The following TMEFF1 variants were observed in gnomAD, a reference collection of about 807,000 sequenced individuals.
TMEFF1 encodes tomoregulin-1.
Under a neutral mutation model 47.5 loss-of-function variants are expected in TMEFF1, and 20 were observed. The observed-to-expected ratio is 0.42, with a 90% CI of 0.30 to 0.61. TMEFF1 has a LOEUF of 0.61. Among genes scored for constraint, TMEFF1 ranks in the 20% least tolerant of loss-of-function variants. TMEFF1 has a pLI of 0.19. For synonymous variants in TMEFF1, 162 were observed against 166.3 expected (o/e 0.97, Z 0.20); for missense variants, 411 against 471.1 (o/e 0.87, Z 1.18).
At chr9:100,522,901 A>G (rs1293349793) in intron 5 of TMEFF1, among the ~76,000 whole-genome samples, 1 of 151,690 alleles carries the variant, frequency 6.6e-6, no homozygotes, top group African/African-American at 2.4e-5. Flanking sequence ...CACCCAGCTA[A>G]TTTTTTGTAT....
At chr9:100,563,543 C>T (rs776201007) in intron 8 of TMEFF1, among the ~76,000 whole-genome samples, 14 of 152,104 alleles carry the variant, frequency 9.2e-5, no homozygotes, top group African/African-American at 2.2e-4. Flanking sequence ...TTGGAAGTTA[C>T]GTAAAATATC....
intron 7 of TMEFF1, among the ~76,000 whole-genome samples, chr9:100,558,325 A>G (rs569361486): frequency 3.3e-5 from 5 of 152,152 alleles, no homozygotes; most frequent in African/African-American, 7.2e-5. Context: ...GTTATTCTCT[A>G]TAGTCCCATT....
chr9:100,500,069 T>C (rs1222464806), intron 2 of TMEFF1, among the ~76,000 whole-genome samples: 1 of 152,212 alleles, frequency 6.6e-6, no homozygotes, highest in African/African-American at 2.4e-5. Flanking sequence ...ATCATTTCTT[T>C]GCCAAGAGCA....
chr9:100,575,369 C>T (rs74787119), intron 9 of TMEFF1, among the ~76,000 whole-genome samples: 8,939 of 152,146 alleles, frequency 0.059, 385 homozygotes, highest in South Asian at 0.14. Flanking sequence ...CTTAACTAAA[C>T]GCCCTGATTT....
At chr9:100,497,753 A>G (rs1162032064) in intron 1 of TMEFF1, among the ~76,000 whole-genome samples, 1 of 152,140 alleles carries the variant, frequency 6.6e-6, no homozygotes, top group African/African-American at 2.4e-5. Context: ...AACTGGAGAA[A>G]TGCTCCCTTA....
chr9:100,513,302 C>T lies in TMEFF1; in HGVS notation c.437-5C>T, dbSNP rs761220084. The T allele has an allele frequency of 4.4e-6, 7 of 1,594,078 alleles. No homozygotes were observed. Among genetic ancestry groups the T allele is most frequent in the African/African-American group, 1.4e-5 (1 of 73,804 alleles). On this transcript the variant is annotated splice_region_variant and splice_polypyrimidine_tract_variant and intron_variant, in intron 3 of 9. Transcript: ENST00000374879. ...TTCATATTCATTCTTTGTTTTTCTT[C>T]TCAGATAATGGATCTGGATCTGGAG...
At chr9:100,482,071 A>T (rs909924881) in intron 1 of TMEFF1, among the ~76,000 whole-genome samples, 3 of 150,158 alleles carry the variant, frequency 2.0e-5, no homozygotes, top group African/African-American at 7.4e-5. Context: ...CACTGCGCCC[A>T]GCCTAGCCTG....
At chr9:100,547,094 C>T (rs12003523) in intron 5 of TMEFF1, among the ~76,000 whole-genome samples, 21,443 of 152,158 alleles carry the variant, frequency 0.14, 1,664 homozygotes, top group Middle Eastern at 0.2. Context: ...TGGCTCACTG[C>T]GGCCTCAACC....
At chr9:100,483,730 T>C (rs180712515) in intron 1 of TMEFF1, among the ~76,000 whole-genome samples, 53 of 152,296 alleles carry the variant, frequency 3.5e-4, no homozygotes, top group South Asian at 6.2e-4. Context: ...TTTTACCACA[T>C]TTGCTTTAAG....
At chr9:100,538,104 G>A (rs1175926010) in intron 5 of TMEFF1, among the ~76,000 whole-genome samples, 5 of 152,066 alleles carry the variant, frequency 3.3e-5, no homozygotes, top group Admixed American at 1.3e-4. Context: ...CCAGGCTAGA[G>A]TGCATTGGCG....
intron 7 of TMEFF1, among the ~76,000 whole-genome samples, chr9:100,551,844 A>G (rs1838832154): frequency 6.6e-6 from 1 of 152,242 alleles, no homozygotes; most frequent in African/African-American, 2.4e-5. Context: ...CTATAAGTGT[A>G]TACAGTTTAA....
intron 1 of TMEFF1, among the ~76,000 whole-genome samples, chr9:100,480,146 G>A (rs1300365626): frequency 6.6e-6 from 1 of 151,832 alleles, no homozygotes; most frequent in Non-Finnish European, 1.5e-5. Context: ...TTTAATGAAT[G>A]TATTGGCTAT....
intron 8 of TMEFF1, among the ~76,000 whole-genome samples, chr9:100,564,654 T>A (rs928626756): frequency 1.3e-5 from 2 of 152,132 alleles, no homozygotes; most frequent in African/African-American, 4.8e-5. Context: ...ACAGGAACAT[T>A]TGGGCCATCC....
rs984296404 is a variant in TMEFF1, at chr9:100,542,840, A to ATT, written c.561-4901_561-4900dup. ...AGTTTGAAGAGAAGTTGCTGAGAATATTTTCCTGCCTCATTTTCTTAACTC... is the reference window on the plus strand; with the variant it reads ...AGTTTGAAGAGAAGTTGCTGAGAATATTTTTTCCTGCCTCATTTTCTTAACTC... On this transcript the variant is annotated intron_variant, in intron 5 of 9. Transcript: ENST00000374879. Among the ~76,000 whole-genome samples, 26 of 146,470 alleles carry ATT rather than the reference A, an allele frequency of 1.8e-4. 1 individual carries two copies. Among genetic ancestry groups the ATT allele is most frequent in the South Asian group, 2.1e-4 (1 of 4,678 alleles).
rs551743733 is a variant in TMEFF1, at chr9:100,514,823, C to T, written c.463+1490C>T. ...CAGCCTGGCCAATGTGGTGAAACCC[C>T]GTCTCTACTAAAAATGCAAAAATTA... On this transcript the variant is annotated intron_variant, in intron 4 of 9. Transcript: ENST00000374879. Among the ~76,000 whole-genome samples, 742 of 152,034 alleles carry T rather than the reference C, an allele frequency of 4.9e-3. 4 individuals carry two copies. The highest frequency in any genetic ancestry group is 6.9e-3 in the Admixed American group (106 of 15,266).
At chr9:100,494,556 T>C (rs1837617538) in intron 1 of TMEFF1, among the ~76,000 whole-genome samples, 1 of 152,194 alleles carries the variant, frequency 6.6e-6, no homozygotes, top group South Asian at 2.1e-4. Flanking sequence ...TTCTGGTCTG[T>C]CATCTTTTGG....
At chr9:100,511,568 T>G (rs549176269) in intron 3 of TMEFF1, among the ~76,000 whole-genome samples, 8 of 152,368 alleles carry the variant, frequency 5.3e-5, no homozygotes, top group Admixed American at 1.3e-4. Flanking sequence ...ATCCTATTCC[T>G]TGAACTAGAA....
chr9:100,500,538 T>C (rs1239911125), intron 2 of TMEFF1, among the ~76,000 whole-genome samples: 1 of 152,200 alleles, frequency 6.6e-6, no homozygotes, highest in Non-Finnish European at 1.5e-5. Context: ...TCCCATCCAG[T>C]GAGTTTTTAA....
intron 7 of TMEFF1, among the ~76,000 whole-genome samples, chr9:100,557,333 A>G (rs1175407952): frequency 6.6e-6 from 1 of 151,680 alleles, no homozygotes; most frequent in Admixed American, 6.6e-5. Context: ...CTCTCAACTA[A>G]TTTTCATGTA....
Sources: allele counts gnomAD v4.1 joint callset (sites outside exome capture counted in the v4.1 genomes callset), GRCh38; gene constraint gnomAD v4.1.1; transcripts MANE v1.5; gene names NCBI Gene and HGNC (gene_info 2026-07-23, HGNC 2026-07-21).